CALN1: variants seen among roughly 807,000 people sequenced by gnomAD.
CALN1 encodes the protein calneuron 1.
A neutral mutation model predicts 30.6 loss-of-function variants in CALN1; 17 were observed. The observed-to-expected ratio is 0.56, with a 90% CI of 0.38 to 0.83. The LOEUF (loss-of-function observed/expected upper bound fraction) is 0.83. Ranked by LOEUF, CALN1 falls within the 40% of genes least tolerant of loss-of-function variation. The pLI, the probability that CALN1 is intolerant of heterozygous loss-of-function variation, is 0.00. For synonymous variants in CALN1, 156 were observed against 131.4 expected (o/e 1.19, Z -1.28); for missense variants, 291 against 354.9 (o/e 0.82, Z 1.45).
intron 5 of CALN1, among the ~76,000 whole-genome samples, chr7:71,842,646 C>T: frequency 6.6e-6 from 1 of 152,192 alleles, no homozygotes; most frequent in Non-Finnish European, 1.5e-5. Flanking sequence ...TCACCGATGC[C>T]TGCAAGCTGT....
Position 71,954,473 on chromosome 7 carries a change from T to TA in CALN1, c.501+69183dup, listed in dbSNP as rs892092800. Among the ~76,000 whole-genome samples, 138 of 148,764 alleles carry TA rather than the reference T, an allele frequency of 9.3e-4. 1 individual carries two copies. The highest frequency in any genetic ancestry group is 2.9e-3 in the African/African-American group (116 of 40,514). On this transcript the variant is annotated intron_variant, in intron 5 of 6. Transcript: ENST00000395275. ...AGACTCCATCTCGAAAACTTAAAAT[T>TA]AAAAAAAAAATTAAAAATAATAATA...
At position 72,115,690 on chromosome 7, in the gene CALN1, G is replaced by C. The variant is rs556860682; in HGVS notation, c.245-9396C>G. ...TTTTAGTAGAGCCGGGTTTCGCCAC[G>C]TTGGCCAGGCTGGTCTCAAACTCCT... is the stretch of plus-strand genomic sequence containing the variant. On this transcript the variant is annotated intron_variant, in intron 3 of 6. Coordinates refer to ENST00000395275, the MANE Select transcript of CALN1 (RefSeq NM_031468.4). Among the ~76,000 whole-genome samples the C allele has an allele frequency of 1.2e-3, 175 of 151,730 alleles. 2 individuals carry two copies. Among genetic ancestry groups the C allele is most frequent in the Middle Eastern group, 3.4e-3 (1 of 294 alleles).
intron 3 of CALN1, among the ~76,000 whole-genome samples, chr7:72,254,982 G>A (rs1450702791): frequency 6.6e-6 from 1 of 152,042 alleles, no homozygotes; most frequent in East Asian, 1.9e-4. Context: ...TAGTAGAGAT[G>A]GGGTTTCTCC....
intron 5 of CALN1, among the ~76,000 whole-genome samples, chr7:71,963,140 C>T (rs1797333212): frequency 6.6e-6 from 1 of 151,982 alleles, no homozygotes; most frequent in Non-Finnish European, 1.5e-5. Context: ...AAACAGTAAG[C>T]TCTAAGAAAC....
chr7:72,362,212 T>C (rs1225478884), intron 2 of CALN1, among the ~76,000 whole-genome samples: 2 of 152,230 alleles, frequency 1.3e-5, no homozygotes, highest in African/African-American at 2.4e-5. Flanking sequence ...CACAGCTTCG[T>C]TCGTTGCTAA....
intron 5 of CALN1, among the ~76,000 whole-genome samples, chr7:71,932,355 T>C (rs572979670): frequency 6.6e-6 from 1 of 152,172 alleles, no homozygotes; most frequent in South Asian, 2.1e-4. Flanking sequence ...TTCATAGAGA[T>C]GAGGTCTCAC....
intron 2 of CALN1, among the ~76,000 whole-genome samples, chr7:72,295,120 G>A (rs1364378699): frequency 1.3e-5 from 2 of 152,074 alleles, no homozygotes; most frequent in East Asian, 3.9e-4. Flanking sequence ...AAGAATTTAT[G>A]TAACCAAACA....
chr7:72,390,298 G>T (rs1246910999), intron 2 of CALN1, among the ~76,000 whole-genome samples: 1 of 152,138 alleles, frequency 6.6e-6, no homozygotes, highest in Non-Finnish European at 1.5e-5. Flanking sequence ...GGGCATGGTG[G>T]CAGGCACCTG....
chr7:71,882,850 T>TTGTGTGTGTGTG lies in CALN1; in HGVS notation c.502-72370_502-72359dup, dbSNP rs34870061. On this transcript the variant is annotated intron_variant, in intron 5 of 6. Coordinates refer to ENST00000395275, the MANE Select transcript of CALN1 (RefSeq NM_031468.4). ...GGGCATGCCACCATGCCCATCTAATTTGTGTGTGTGTGTGTGTGTGTGTGT... is the reference window on the plus strand; with the variant it reads ...GGGCATGCCACCATGCCCATCTAATTTGTGTGTGTGTGTGTGTGTGTGTGTGTGTGTGTGTGT... 1.6e-3 allele frequency among the ~76,000 whole-genome samples: 205 copies of TTGTGTGTGTGTG among 131,018 alleles called. 1 individual carries two copies. Among genetic ancestry groups the TTGTGTGTGTGTG allele is most frequent in the East Asian group, 6.0e-3 (25 of 4,188 alleles). 86.0% of individuals were successfully genotyped at this position (131,018 alleles called of 152,430 possible). A position where few individuals can be genotyped will look rare whatever the true frequency, so the allele number is the denominator to read the frequency against.
At chr7:72,379,292 G>A (rs1402450442) in intron 2 of CALN1, among the ~76,000 whole-genome samples, 1 of 152,064 alleles carries the variant, frequency 6.6e-6, no homozygotes, top group Admixed American at 6.6e-5. Flanking sequence ...ACCACACCCG[G>A]CCAATTTATT....
the CALN1 span, among the ~76,000 whole-genome samples, chr7:72,499,835 TTCTTTCTTTC>T: frequency 4.2e-5 from 1 of 23,776 alleles, no homozygotes; most frequent in Non-Finnish European, 7.4e-5. Context: ...CCTTCTTTCT[TTCTTTCTTTC>T]TTTCTTTCTT....
Position 72,165,599 on chromosome 7 carries a change from C to T in CALN1, c.245-59305G>A, listed in dbSNP as rs146021649. Among the ~76,000 whole-genome samples the T allele has an allele frequency of 2.1e-4, 32 of 151,922 alleles. No individual in the cohort carries two copies. The East Asian group carries it at 6.0e-3, about 28-fold the overall frequency. Reference sequence around the variant, plus strand: ...CCAAAAACTCTGTCTCCAACAACAACAAACAAACAAACAAGCAAACAAAGA... The same window carrying T: ...CCAAAAACTCTGTCTCCAACAACAATAAACAAACAAACAAGCAAACAAAGA... On this transcript the variant is annotated intron_variant, in intron 3 of 6. Transcript: ENST00000395275.
rs13307508 is a variant in CALN1 at position 72,054,524 on chromosome 7, T to C, written c.389-30755A>G. ...ACATATATATACATATATATACATA[T>C]ATACATACATATATATATACATATA... On this transcript the variant is annotated intron_variant, in intron 4 of 6. Transcript: ENST00000395275. Among the ~76,000 whole-genome samples, 96 of 102,488 alleles carry C rather than the reference T, an allele frequency of 9.4e-4. 9 individuals are homozygous for C. Among genetic ancestry groups the C allele is most frequent in the African/African-American group, 3.6e-3 (92 of 25,416 alleles). 67.2% of individuals were successfully genotyped at this position (102,488 alleles called of 152,430 possible).
chr7:72,268,596 A>G (rs1374960080), intron 3 of CALN1, among the ~76,000 whole-genome samples: 4 of 152,152 alleles, frequency 2.6e-5, no homozygotes, highest in African/African-American at 9.7e-5. Flanking sequence ...CCTTGAGCCC[A>G]GGCGTTCAAG....
intron 5 of CALN1, among the ~76,000 whole-genome samples, chr7:71,899,369 C>G (rs1020198201): frequency 1.3e-5 from 2 of 152,090 alleles, no homozygotes; most frequent in African/African-American, 2.4e-5. Context: ...TCTCGAACTG[C>G]CGACCTCAGG....
chr7:72,313,473 C>A (rs1402971098), intron 2 of CALN1, among the ~76,000 whole-genome samples: 1 of 152,104 alleles, frequency 6.6e-6, no homozygotes, highest in African/African-American at 2.4e-5. Flanking sequence ...CTCACCGCAA[C>A]CTATGGCTCC....
intron 2 of CALN1, among the ~76,000 whole-genome samples, chr7:72,282,095 T>C (rs1353613013): frequency 1.3e-5 from 2 of 152,164 alleles, no homozygotes; most frequent in African/African-American, 4.8e-5. Context: ...AACATTATCC[T>C]AAGTAAGCTA....
chr7:72,327,850 CTAA>C (rs1488990302), intron 2 of CALN1, among the ~76,000 whole-genome samples: 3 of 152,012 alleles, frequency 2.0e-5, no homozygotes, highest in South Asian at 2.1e-4. Flanking sequence ...TTCAAATTTC[CTAA>C]TAATTTGTTT....
intron 4 of CALN1, among the ~76,000 whole-genome samples, chr7:72,090,173 A>G (rs1440857429): frequency 6.6e-6 from 1 of 152,182 alleles, no homozygotes; most frequent in Non-Finnish European, 1.5e-5. Context: ...CTGGTGGCGC[A>G]TGCCTGTAGT....
Sources: allele counts gnomAD v4.1 joint callset (sites outside exome capture counted in the v4.1 genomes callset), GRCh38; gene constraint gnomAD v4.1.1; transcripts MANE v1.5; gene names NCBI Gene and HGNC (gene_info 2026-07-23, HGNC 2026-07-21).